ISL1: variants seen among roughly 807,000 people sequenced by gnomAD.
ISL1 encodes the protein insulin gene enhancer protein ISL-1.
ISL1 carries 4 observed loss-of-function variants against 35.3 expected under a neutral mutation model. That is an observed-to-expected ratio of 0.11 (90% CI 0.06 to 0.26). The LOEUF (loss-of-function observed/expected upper bound fraction) is 0.26, where lower values mean the gene tolerates loss of function less well. Ranked by LOEUF, ISL1 falls within the 10% of genes least tolerant of loss-of-function variation. The pLI, the probability that ISL1 is intolerant of heterozygous loss-of-function variation, is 1.00. For missense variants in ISL1, 340 were observed against 472.8 expected, an observed-to-expected ratio of 0.72 and a Z score of 2.60; for synonymous variants, 186 against 172.3, an observed-to-expected ratio of 1.08 and a Z score of -0.62.
Position 51,384,546 on chromosome 5 carries a change from C to A in ISL1, c.34C>A (p.Arg12Ser). The A allele has an allele frequency of 1.2e-6, 2 of 1,613,778 alleles. No homozygotes were observed. Among genetic ancestry groups the A allele is most frequent in the South Asian group, 2.2e-5 (2 of 91,070 alleles). ...GDMGDPPKKK[R>S]LISLCVGCGN... ...TGTATTTATTTTCATTTCAGAAAAA[C>A]GTCTGATTTCCCTATGTGTTGGTTG... The change falls in exon 2 of 6, where the codon CGT becomes AGT. Residue 12 changes from arginine (R) to serine (S), a missense_variant. Arg to Ser is a moderately radical substitution (Grantham distance 110, BLOSUM62 -1). This residue lies in a region of ISL1 where 22 missense variants were observed against 18.4 expected (regional missense o/e 1.20). Coordinates refer to ENST00000230658, the MANE Select transcript of ISL1 (RefSeq NM_002202.3).
At chr5:51,390,435 C>T (rs1334042483) in intron 4 of ISL1, among the ~76,000 whole-genome samples, 1 of 152,026 alleles carries the variant, frequency 6.6e-6, no homozygotes, top group East Asian at 2.0e-4. Context: ...GGCCGCTGCG[C>T]CTTCAGGCTG....
chr5:51,390,079 T>A, intron 4 of ISL1, 147 bp downstream of exon 4: 2 of 931,078 alleles, frequency 2.1e-6, no homozygotes, highest in Non-Finnish European at 3.2e-6. Flanking sequence ...CTTACCCCCC[T>A]ACCCATGCCC....
At position 51,387,449 on chromosome 5, in the gene ISL1, C is replaced by A; in HGVS notation, c.219-41C>A. 1 of 1,610,502 alleles carries A rather than the reference C, an allele frequency of 6.2e-7. No individual in the cohort carries two copies. On this transcript the variant is annotated intron_variant, in intron 2 of 5. Coordinates refer to ENST00000230658, the MANE Select transcript of ISL1 (RefSeq NM_002202.3). This position sits in a 1 kb window ranked among gnomAD's most constrained non-coding sequence, Gnocchi z 4.3. The stretch of plus-strand genomic sequence containing the variant: ...TGACCCCCTCTTCCTGTACTTCTCT[C>A]CCCGCTCTGGGCCGCCTCCGCTCCC...
rs1211216872 is a variant in ISL1 at position 51,384,773 on chromosome 5, T to A, written c.218+43T>A. The stretch of plus-strand genomic sequence containing the variant: ...CTTTCTTAATTTTGTGGGATTTCCC[T>A]GAATCTCCCCACTCTTTATGTATTA... On this transcript the variant is annotated intron_variant, in intron 2 of 5. Coordinates refer to ENST00000230658, the MANE Select transcript of ISL1 (RefSeq NM_002202.3). The A allele has an allele frequency of 2.6e-6, 4 of 1,524,282 alleles. No individual in the cohort carries two copies. In the African/African-American group the frequency reaches 5.5e-5, roughly 21 times the overall value. 94.4% of individuals were successfully genotyped at this position (1,524,282 alleles called of 1,614,324 possible).
At position 51,389,556 on chromosome 5, in the gene ISL1, G is replaced by GGCAA. The variant is rs938851751; in HGVS notation, c.479-87_479-84dup. 1.8e-6 allele frequency: 2 copies of GGCAA among 1,133,496 alleles called. No individual in the cohort carries two copies. The highest frequency in any genetic ancestry group is 2.3e-6 in the Non-Finnish European group (2 of 873,610). The allele number at this position is 1,133,496 out of a possible 1,614,324, so 70.2% of individuals were successfully genotyped here. ...GAGCAAGTAAGCGGGCGGGCGGGCGGGCAAGCGAGCGAGCGAGCGAGCGCG... is the reference window on the plus strand; with the variant it reads ...GAGCAAGTAAGCGGGCGGGCGGGCGGGCAAGCAAGCGAGCGAGCGAGCGAGCGCG... On this transcript the variant is annotated intron_variant, in intron 3 of 5. Transcript: ENST00000230658. This position sits in a 1 kb window ranked among gnomAD's most constrained non-coding sequence, Gnocchi z 5.0.
At chr5:51,390,016 AC>A (rs1580729467) in intron 4 of ISL1, 84 bp downstream of exon 4, 2 of 1,480,364 alleles carry the variant, frequency 1.4e-6, no homozygotes. Context: ...GCAGGATCGC[AC>A]GGTTTTCAAT....
chr5:51,390,392 C>T (rs1043603824), intron 4 of ISL1, among the ~76,000 whole-genome samples: 3 of 152,074 alleles, frequency 2.0e-5, no homozygotes, highest in Non-Finnish European at 4.4e-5. Flanking sequence ...ACCCTGTGAG[C>T]CCCCAGGGCG....
At chr5:51,383,765 C>T in intron 1 of ISL1, 66 bp downstream of exon 1, 1 of 1,370,202 alleles carries the variant, frequency 7.3e-7, no homozygotes, top group Non-Finnish European at 1.0e-6. Context: ...CTCTCAGGCA[C>T]AGGCTGAGGT....
chr5:51,391,335 G>T lies in ISL1; in HGVS notation c.827G>T (p.Gly276Val). 1 of 1,613,938 alleles carries T rather than the reference G, an allele frequency of 6.2e-7. No homozygotes were observed. The highest frequency in any genetic ancestry group is 8.5e-7 in the Non-Finnish European group (1 of 1,179,992). Reference sequence around the variant, plus strand: ...GCCAGTCCAGAGAGACACGACGGTGGCTTACAGGCTAACCCAGTGGAAGTA... The same window carrying T: ...GCCAGTCCAGAGAGACACGACGGTGTCTTACAGGCTAACCCAGTGGAAGTA... ...VAASPERHDGGLQANPVEVQS... is the reference protein window; with the variant it reads ...VAASPERHDGVLQANPVEVQS... The change falls in exon 5 of 6, where the codon GGC becomes GTC. Residue 276 changes from glycine to valine, a missense_variant. Physicochemically the swap from Gly to Val is moderately radical, Grantham distance 109. Around this residue, in one of 7 missense-constraint regions of ISL1, gnomAD observed 104 missense variants for 97.3 expected, o/e 1.07. Coordinates refer to ENST00000230658, the MANE Select transcript of ISL1 (RefSeq NM_002202.3).
Position 51,389,495 on chromosome 5 carries a change from A to C in ISL1, c.479-151A>C. ...CCCCTGCTTTGTGTGCTGAGGCTGC[A>C]AACCCTAGCCATTGTCCTGAGTATC... On this transcript the variant is annotated intron_variant, in intron 3 of 5. Transcript: ENST00000230658. The surrounding 1 kb of genome is among the most constrained non-coding windows in gnomAD (Gnocchi z 5.0). The C allele has an allele frequency of 1.6e-6, 1 of 629,722 alleles. No homozygotes were observed. The highest frequency in any genetic ancestry group is 2.4e-6 in the Non-Finnish European group (1 of 417,882). 39.0% of individuals were successfully genotyped at this position (629,722 alleles called of 1,614,324 possible).
chr5:51,384,430 AGAAAG>A, intron 1 of ISL1, 106 bp from the exon 2 acceptor site: 1 of 934,420 alleles, frequency 1.1e-6, no homozygotes, highest in South Asian at 1.5e-5. Flanking sequence ...AAAGAAAGAA[AGAAAG>A]AAAAAAACCT....
rs1747423499 is a variant in ISL1 at position 51,389,234 on chromosome 5, G to T, written c.479-412G>T. 6.6e-6 allele frequency among the ~76,000 whole-genome samples: 1 copy of T among 152,036 alleles called. No homozygotes were observed. Among genetic ancestry groups the T allele is most frequent in the East Asian group, 1.9e-4 (1 of 5,136 alleles). On this transcript the variant is annotated intron_variant, in intron 3 of 5. Transcript: ENST00000230658. This position sits in a 1 kb window ranked among gnomAD's most constrained non-coding sequence, Gnocchi z 5.0. ...GAGGGTGGTAATCAATGTAACTGGG[G>T]CCCAGTCTGGGCACAAGGAAAGGTG...
rs1747304322 is a variant in ISL1, at chr5:51,384,844, A to G, written c.218+114A>G. 5.2e-6 allele frequency: 5 copies of G among 970,072 alleles called. No individual in the cohort carries two copies. In the Admixed American group the frequency reaches 7.0e-5, roughly 14 times the overall value. 60.1% of individuals were successfully genotyped at this position (970,072 alleles called of 1,614,324 possible). ...TTGTGAAGTTTGCCTCAGTGTAGTC[A>G]TACAAGCCAAAGTTACCCTGTACAT... On this transcript the variant is annotated intron_variant, in intron 2 of 5. Coordinates refer to ENST00000230658, the MANE Select transcript of ISL1 (RefSeq NM_002202.3).
intron 1 of ISL1, 77 bp downstream of exon 1, chr5:51,383,776 G>T (rs2111832178): frequency 7.9e-7 from 1 of 1,265,634 alleles, no homozygotes; most frequent in East Asian, 2.3e-5. Context: ...AGGCTGAGGT[G>T]CCAAGGGCTC....
At position 51,383,620 on chromosome 5, in the gene ISL1, C is replaced by G. The variant is rs927873724; in HGVS notation, c.-52C>G. 33 of 1,481,754 alleles carry G rather than the reference C, an allele frequency of 2.2e-5. No homozygotes were observed. The highest frequency in any genetic ancestry group is 1.7e-5 in the Admixed American group (1 of 59,848). The allele number at this position is 1,481,754 out of a possible 1,614,324, so 91.8% of individuals were successfully genotyped here. On this transcript the variant is annotated 5_prime_UTR_variant, in exon 1 of 6. Transcript: ENST00000230658. ...TCCAGCATCCTCTCTGTGGGCTGTT[C>G]ACCAACTGTACAACCACCATTTCAC...
Position 51,387,717 on chromosome 5 carries a change from C to T in ISL1, c.446C>T (p.Pro149Leu). 2 of 1,614,196 alleles carry T rather than the reference C, an allele frequency of 1.2e-6. No individual in the cohort carries two copies. The highest frequency in any genetic ancestry group is 1.7e-6 in the Non-Finnish European group (2 of 1,180,034). The change falls in exon 3 of 6, where the codon CCC becomes CTC. Residue 149 changes from proline to leucine, a missense_variant. By Grantham distance (98) the Pro-to-Leu change is moderately conservative. Around this residue, in one of 7 missense-constraint regions of ISL1, gnomAD observed 94 missense variants for 102.1 expected, o/e 0.92. Transcript: ENST00000230658. This position sits in a 1 kb window ranked among gnomAD's most constrained non-coding sequence, Gnocchi z 4.3. Reference sequence around the variant, plus strand: ...CTAGGCGCTGGCGACCCGCTCAGTCCCCTGCATCCAGCGCGGCCACTGCAA... The same window carrying T: ...CTAGGCGCTGGCGACCCGCTCAGTCTCCTGCATCCAGCGCGGCCACTGCAA... ...ASLGAGDPLS[P>L]LHPARPLQMA... is the part of the protein sequence containing the mutation.
At chr5:51,390,928 C>T (rs576290358) in intron 4 of ISL1, among the ~76,000 whole-genome samples, 1 of 151,802 alleles carries the variant, frequency 6.6e-6, no homozygotes, top group East Asian at 2.0e-4. Context: ...AAGGGAAGCC[C>T]TGCTTACCTC....
rs1483800773 is a variant in ISL1 at position 51,393,562 on chromosome 5, A to G, written c.1002A>G (p.Gln334=). The change falls in exon 6 of 6, where the codon CAA becomes CAG. Residue 334 remains glutamine, a synonymous_variant. Transcript: ENST00000230658. The stretch of plus-strand genomic sequence containing the variant: ...GTGAAGTAGCATCAATGTCCTCTCA[A>G]CTTCCAGATACACCTAACAGCATGG... The part of the protein sequence containing the change: ...TGSEVASMSS[Q]LPDTPNSMVA... The G allele has an allele frequency of 6.2e-7, 1 of 1,613,534 alleles. No homozygotes were observed. Among genetic ancestry groups the G allele is most frequent in the Admixed American group, 1.7e-5 (1 of 60,032 alleles).
At chr5:51,384,854 A>C in intron 2 of ISL1, 124 bp downstream of exon 2, 1 of 879,814 alleles carries the variant, frequency 1.1e-6, no homozygotes, top group Non-Finnish European at 1.9e-6. Flanking sequence ...ATACAAGCCA[A>C]AGTTACCCTG....
Sources: allele counts gnomAD v4.1 joint callset (sites outside exome capture counted in the v4.1 genomes callset), GRCh38; gene constraint gnomAD v4.1.1; regional missense constraint gnomAD v4.1.1; non-coding constraint Gnocchi (gnomAD v3.1); transcripts MANE v1.5; gene names NCBI Gene and HGNC (gene_info 2026-07-23, HGNC 2026-07-21).